Variants in MAP4 observed in about 807,000 individuals in gnomAD.
MAP4 encodes the protein microtubule-associated protein 4.
Under a neutral mutation model 170.2 loss-of-function variants are expected in MAP4, and 76 were observed. That is an observed-to-expected ratio of 0.45 (90% CI 0.37 to 0.54). MAP4 has a LOEUF of 0.54. Ranked by LOEUF, MAP4 falls within the 20% of genes least tolerant of loss-of-function variation. The pLI, the probability that MAP4 is intolerant of heterozygous loss-of-function variation, is 0.00. For missense variants in MAP4, 2,506 were observed against 2,748.0 expected (o/e 0.91, Z 1.97); for synonymous variants, 909 against 994.5 (o/e 0.91, Z 1.62).
intron 1 of MAP4, among the ~76,000 whole-genome samples, chr3:48,012,914 T>C (rs894979865): frequency 6.6e-6 from 1 of 152,132 alleles, no homozygotes; most frequent in Non-Finnish European, 1.5e-5. Context: ...CACCCCCTTA[T>C]GGAAAATGAT....
chr3:48,085,809 G>A (rs1299720186), intron 1 of MAP4, among the ~76,000 whole-genome samples: 3 of 151,670 alleles, frequency 2.0e-5, no homozygotes, highest in Non-Finnish European at 1.5e-5. Flanking sequence ...GTAATCCCAG[G>A]ACTTTGGGAG....
intron 1 of MAP4, among the ~76,000 whole-genome samples, chr3:48,074,679 TGTGTGTGTGTGTGTGTGTGTG>T (rs2100142887): frequency 8.0e-6 from 1 of 125,396 alleles, no homozygotes; most frequent in South Asian, 2.9e-4. Context: ...CAGCTAATTG[TGTGTGTGTGTGTGTGTGTGTG>T]TGTGTGTGTG....
Position 47,875,847 on chromosome 3 carries a change from C to T in MAP4, c.5595G>A (p.Gln1865=). ...CTGGCTGCTTAGGGAGAGAAGTGGG[C>T]TGTGTTTTGGCTTTCGATGTTGAAG... The part of the protein sequence containing the change: ...AKTSTSKAKT[Q]PTSLPKQPAP... Residue 1865 remains glutamine, a synonymous_variant, in exon 12 of 21, where the codon CAG becomes CAA. Coordinates refer to ENST00000683076, the MANE Select transcript of MAP4 (RefSeq NM_001385682.1). 6.2e-7 allele frequency: 1 copy of T among 1,613,590 alleles called. No homozygotes were observed. Among genetic ancestry groups the T allele is most frequent in the Non-Finnish European group, 8.5e-7 (1 of 1,179,912 alleles).
chr3:48,071,059 C>A (rs2100140771), intron 1 of MAP4, among the ~76,000 whole-genome samples: 1 of 151,912 alleles, frequency 6.6e-6, no homozygotes, highest in Non-Finnish European at 1.5e-5. Context: ...AAAGGAACTA[C>A]CCCTTTTTGA....
At chr3:47,874,545 A>G (rs1410482632) in intron 12 of MAP4, among the ~76,000 whole-genome samples, 1 of 152,212 alleles carries the variant, frequency 6.6e-6, no homozygotes, top group Non-Finnish European at 1.5e-5. Flanking sequence ...TGATTATTAT[A>G]GAGTGAAATT....
chr3:48,067,918 GC>G (rs2100139080), intron 1 of MAP4, among the ~76,000 whole-genome samples: 1 of 152,106 alleles, frequency 6.6e-6, no homozygotes, highest in South Asian at 2.1e-4. Context: ...GGGATTACAG[GC>G]GTGAGCCACT....
At chr3:48,054,416 T>G (rs888447087) in intron 1 of MAP4, among the ~76,000 whole-genome samples, 2 of 150,368 alleles carry the variant, frequency 1.3e-5, no homozygotes, top group Non-Finnish European at 3.0e-5. Flanking sequence ...AGGTCAGAAG[T>G]TCAAGACCAG....
At position 47,870,779 on chromosome 3, in the gene MAP4, C is replaced by A. The variant is rs758258768; in HGVS notation, c.6294+34G>T. ...GAAATGGAGGGGAAGATGCAGGGGC[C>A]AGCATGCCAGGACCCCAAGCTCCCT... is the stretch of plus-strand genomic sequence containing the variant. On this transcript the variant is annotated intron_variant, in intron 15 of 20. Transcript: ENST00000683076. The A allele has an allele frequency of 4.6e-6, 7 of 1,515,620 alleles. No individual in the cohort carries two copies. In the South Asian group the frequency reaches 6.7e-5, roughly 14 times the overall value. The allele number at this position is 1,515,620 out of a possible 1,614,324, so 93.9% of individuals were successfully genotyped here. A position where few individuals can be genotyped will look rare whatever the true frequency, so the allele number is the denominator to read the frequency against.
chr3:48,036,959 C>A (rs562940735), intron 1 of MAP4, among the ~76,000 whole-genome samples: 2 of 152,166 alleles, frequency 1.3e-5, no homozygotes, highest in Non-Finnish European at 2.9e-5. Flanking sequence ...GAAAAGTATT[C>A]TGAAGCCAAA....
chr3:47,971,086 C>T (rs1352339971), intron 3 of MAP4, among the ~76,000 whole-genome samples: 3 of 152,082 alleles, frequency 2.0e-5, no homozygotes, highest in African/African-American at 7.2e-5. Flanking sequence ...ATTAGAAAAC[C>T]ATGAACCAAA....
chr3:47,975,441 C>T, intron 3 of MAP4: 2 of 1,568,734 alleles, frequency 1.3e-6, no homozygotes, highest in Non-Finnish European at 8.6e-7. Context: ...GCAGCAGCCC[C>T]AGTGTTGAGA....
In MAP4 at chr3:47,865,856, G is replaced by A. The variant is rs80327763; in HGVS notation, c.6501+1390C>T. On this transcript the variant is annotated intron_variant, in intron 17 of 20. Coordinates refer to ENST00000683076, the MANE Select transcript of MAP4 (RefSeq NM_001385682.1). ...TTTCTAGGCACTGTCACAGTGACAAGCGGAAAGCACACAGGGTGTTCTTCA... is the reference window on the plus strand; with the variant it reads ...TTTCTAGGCACTGTCACAGTGACAAACGGAAAGCACACAGGGTGTTCTTCA... Among the ~76,000 whole-genome samples, 333 of 152,300 alleles carry A rather than the reference G, an allele frequency of 2.2e-3. 8 individuals carry two copies. The East Asian group carries it at 0.048, about 22-fold the overall frequency.
intron 3 of MAP4, among the ~76,000 whole-genome samples, chr3:47,959,068 G>A (rs1479834893): frequency 6.6e-6 from 1 of 151,954 alleles, no homozygotes; most frequent in Non-Finnish European, 1.5e-5. Context: ...TAAAGCTTAT[G>A]CTGACGCATA....
chr3:47,896,269 C>T lies in MAP4; in HGVS notation c.5434+6681G>A, dbSNP rs185499891. On this transcript the variant is annotated intron_variant, in intron 10 of 20. Coordinates refer to ENST00000683076, the MANE Select transcript of MAP4 (RefSeq NM_001385682.1). Reference sequence around the variant, plus strand: ...AGAAGGCCGGGCGCGGTGGCTCACGCCTGTAATCCCAGCTCTTTGGGAGGC... The same window carrying T: ...AGAAGGCCGGGCGCGGTGGCTCACGTCTGTAATCCCAGCTCTTTGGGAGGC... 4.6e-5 allele frequency among the ~76,000 whole-genome samples: 7 copies of T among 152,346 alleles called. No individual in the cohort carries two copies. The East Asian group carries it at 9.6e-4, about 21-fold the overall frequency.
At chr3:47,857,146 G>A (rs1438920491) in intron 18 of MAP4, among the ~76,000 whole-genome samples, 6 of 152,218 alleles carry the variant, frequency 3.9e-5, no homozygotes, top group Non-Finnish European at 8.8e-5. Context: ...TCAGCTCAGA[G>A]TGCACCACTT....
chr3:47,974,774 A>G (rs2100081009), intron 3 of MAP4: 1 of 977,504 alleles, frequency 1.0e-6, no homozygotes, highest in African/African-American at 1.8e-5. Context: ...CAAAAAAAAA[A>G]AAATTTGGCC....
At chr3:47,965,451 T>A (rs2100074281) in intron 3 of MAP4, among the ~76,000 whole-genome samples, 1 of 152,220 alleles carries the variant, frequency 6.6e-6, no homozygotes, top group Non-Finnish European at 1.5e-5. Context: ...AATAATTCTG[T>A]TTTTAATTTT....
intron 1 of MAP4, among the ~76,000 whole-genome samples, chr3:48,043,798 G>A (rs1039165960): frequency 6.6e-6 from 1 of 151,984 alleles, no homozygotes; most frequent in Non-Finnish European, 1.5e-5. Context: ...CTGAAACCAT[G>A]CAAAGTGATC....
At chr3:48,071,337 T>C (rs1404594396) in intron 1 of MAP4, among the ~76,000 whole-genome samples, 1 of 150,348 alleles carries the variant, frequency 6.7e-6, no homozygotes, top group South Asian at 2.1e-4. Context: ...AGCTCAGGAG[T>C]TCGAGACCAG....
Sources: allele counts gnomAD v4.1 joint callset (sites outside exome capture counted in the v4.1 genomes callset), GRCh38; gene constraint gnomAD v4.1.1; transcripts MANE v1.5; gene names NCBI Gene and HGNC (gene_info 2026-07-23, HGNC 2026-07-21).